The following SCHIP1 variants were observed in gnomAD, a reference collection of about 807,000 sequenced individuals.
SCHIP1 encodes schwannomin interacting protein 1.
Under a neutral mutation model 29.7 loss-of-function variants are expected in SCHIP1, and 8 were observed. The ratio of observed to expected loss-of-function variants is 0.27; its 90% confidence interval spans 0.16 to 0.49. The LOEUF (loss-of-function observed/expected upper bound fraction) is 0.49. Ranked by LOEUF, SCHIP1 falls within the 20% of genes least tolerant of loss-of-function variation. The pLI, the probability that SCHIP1 is intolerant of heterozygous loss-of-function variation, is 0.99. For synonymous variants in SCHIP1, 76 were observed against 94.9 expected (o/e 0.80, Z 1.16); for missense variants, 193 against 294.6 (o/e 0.66, Z 2.52).
At chr3:159,465,391 G>C in the SCHIP1 span, among the ~76,000 whole-genome samples, 1 of 151,722 alleles carries the variant, frequency 6.6e-6, no homozygotes, top group Non-Finnish European at 1.5e-5. Context: ...GAGAGAAAGA[G>C]AGACCATTTA....
At chr3:159,390,941 C>T in the SCHIP1 span, among the ~76,000 whole-genome samples, 1 of 152,142 alleles carries the variant, frequency 6.6e-6, no homozygotes, top group African/African-American at 2.4e-5. Flanking sequence ...CTTGCTTTAT[C>T]CTTTCATACA....
the SCHIP1 span, among the ~76,000 whole-genome samples, chr3:159,378,291 A>G: frequency 6.6e-6 from 1 of 152,200 alleles, no homozygotes; most frequent in South Asian, 2.1e-4. Flanking sequence ...AATGCATCAG[A>G]CAATCAGTTC....
the SCHIP1 span, among the ~76,000 whole-genome samples, chr3:159,605,259 CAT>C: frequency 6.6e-6 from 1 of 152,202 alleles, no homozygotes; most frequent in African/African-American, 2.4e-5. Flanking sequence ...GAATGTTAAT[CAT>C]ATATGTTACT....
chr3:159,595,820 C>T, the SCHIP1 span, among the ~76,000 whole-genome samples: 13 of 151,988 alleles, frequency 8.6e-5, no homozygotes, highest in East Asian at 1.9e-4. Flanking sequence ...GTCCTCAGAA[C>T]GAACCAAACA....
At chr3:159,523,513 A>G in the SCHIP1 span, among the ~76,000 whole-genome samples, 1 of 152,218 alleles carries the variant, frequency 6.6e-6, no homozygotes, top group African/African-American at 2.4e-5. Flanking sequence ...TCTGATTAAA[A>G]TAGGGAAAGA....
chr3:159,508,606 G>A, the SCHIP1 span, among the ~76,000 whole-genome samples: 11 of 152,302 alleles, frequency 7.2e-5, no homozygotes, highest in Admixed American at 7.2e-4. Context: ...TGGGCACTTA[G>A]TGCTGTAAAT....
the SCHIP1 span, among the ~76,000 whole-genome samples, chr3:159,754,482 G>A: frequency 3.3e-5 from 5 of 152,192 alleles, no homozygotes; most frequent in African/African-American, 1.2e-4. Flanking sequence ...GTTCTGTTGG[G>A]ATATTTTGGA....
the SCHIP1 span, among the ~76,000 whole-genome samples, chr3:159,831,725 A>C: frequency 6.6e-6 from 1 of 152,264 alleles, no homozygotes; most frequent in South Asian, 2.1e-4. Flanking sequence ...ATGCTGGACA[A>C]AGAGAGGATT....
chr3:159,492,369 T>C, the SCHIP1 span, among the ~76,000 whole-genome samples: 20 of 152,108 alleles, frequency 1.3e-4, no homozygotes, highest in African/African-American at 4.1e-4. Context: ...ATTAGACAAA[T>C]GGGTAATTAG....
At chr3:159,851,080 C>T (rs576356772) in intron 1 of SCHIP1, among the ~76,000 whole-genome samples, 123 of 152,298 alleles carry the variant, frequency 8.1e-4, no homozygotes, top group African/African-American at 2.8e-3. Context: ...TCAAGACCAG[C>T]CTGGGCAACA....
chr3:159,280,445 C>T, the SCHIP1 span, among the ~76,000 whole-genome samples: 1 of 152,140 alleles, frequency 6.6e-6, no homozygotes, highest in African/African-American at 2.4e-5. Flanking sequence ...GACCTGGGAC[C>T]TATGTGATAA....
chr3:159,521,297 C>A, the SCHIP1 span, among the ~76,000 whole-genome samples: 1 of 152,202 alleles, frequency 6.6e-6, no homozygotes, highest in African/African-American at 2.4e-5. Flanking sequence ...TGTAGAAATT[C>A]TACAGTAGCA....
At chr3:159,680,645 A>ATATT in the SCHIP1 span, among the ~76,000 whole-genome samples, 4 of 83,284 alleles carry the variant, frequency 4.8e-5, no homozygotes, top group South Asian at 1.2e-3. Flanking sequence ...TATATTATAT[A>ATATT]ATATATGTAT....
chr3:159,742,834 ATTTTTTT>A, the SCHIP1 span, among the ~76,000 whole-genome samples: 1,339 of 110,820 alleles, frequency 0.012, 13 homozygotes, highest in Middle Eastern at 0.055. Context: ...CGCCTAGCTA[ATTTTTTT>A]TTTTTTTTTT....
At chr3:159,829,198 A>G in the SCHIP1 span, among the ~76,000 whole-genome samples, 1 of 152,152 alleles carries the variant, frequency 6.6e-6, no homozygotes, top group African/African-American at 2.4e-5. Context: ...ATAAACAAGT[A>G]CTCTGGCAGA....
At chr3:159,435,483 T>A in the SCHIP1 span, among the ~76,000 whole-genome samples, 1 of 152,146 alleles carries the variant, frequency 6.6e-6, no homozygotes, top group Admixed American at 6.6e-5. Flanking sequence ...GTCAGTTTTC[T>A]CCCCATAGGT....
At chr3:159,680,402 G>C in the SCHIP1 span, among the ~76,000 whole-genome samples, 9 of 147,754 alleles carry the variant, frequency 6.1e-5, no homozygotes, top group Non-Finnish European at 1.2e-4. Flanking sequence ...CCAGCTACTC[G>C]AGAGGCTGAG....
the SCHIP1 span, among the ~76,000 whole-genome samples, chr3:159,545,742 A>G: frequency 6.7e-6 from 1 of 148,646 alleles, no homozygotes; most frequent in Admixed American, 6.8e-5. Context: ...ATATATGTAT[A>G]TATACACACA....
chr3:159,533,576 C>T, the SCHIP1 span, among the ~76,000 whole-genome samples: 1 of 152,084 alleles, frequency 6.6e-6, no homozygotes, highest in African/African-American at 2.4e-5. Context: ...AGAAATAACT[C>T]ATAACTTAGA....
Sources: allele counts gnomAD v4.1 joint callset (sites outside exome capture counted in the v4.1 genomes callset), GRCh38; gene constraint gnomAD v4.1.1; transcripts MANE v1.5; gene names NCBI Gene and HGNC (gene_info 2026-07-23, HGNC 2026-07-21).